EBF3: variants seen among roughly 807,000 people sequenced by gnomAD.
EBF3 encodes the protein transcription factor COE3.
Under a neutral mutation model 77.1 loss-of-function variants are expected in EBF3, and 18 were observed. The observed-to-expected ratio is 0.23, with a 90% CI of 0.16 to 0.35. The LOEUF (loss-of-function observed/expected upper bound fraction) is 0.35. Ranked by LOEUF, EBF3 falls within the 10% of genes least tolerant of loss-of-function variation. The probability of loss-of-function intolerance (pLI) is 1.00; values close to 1 mark genes in which losing one functional copy is unlikely to be tolerated. For missense variants in EBF3, 558 were observed against 860.0 expected (o/e 0.65, Z 4.39); for synonymous variants, 350 against 343.5 (o/e 1.02, Z -0.21).
chr10:129,924,986 G>A (rs1047816531), intron 6 of EBF3, among the ~76,000 whole-genome samples: 1 of 152,292 alleles, frequency 6.6e-6, no homozygotes, highest in Non-Finnish European at 1.5e-5. Flanking sequence ...GCACGTCCGT[G>A]TTCACAGCAG....
rs1479140623 is a variant in EBF3 at position 129,935,693 on chromosome 10, G to A, written c.554+21565C>T. On this transcript the variant is annotated intron_variant, in intron 6 of 16. Coordinates refer to ENST00000440978, the MANE Select transcript of EBF3 (RefSeq NM_001375380.1). This position sits in a 1 kb window ranked among gnomAD's most constrained non-coding sequence, Gnocchi z 4.2. ...AGCTCTCAGCCACCATTCCTCCTAC[G>A]TCAGCACTGGGGAGTCCAGAGGCCA... Among the ~76,000 whole-genome samples the A allele has an allele frequency of 1.3e-5, 2 of 152,172 alleles. No homozygotes were observed. Among genetic ancestry groups the A allele is most frequent in the Admixed American group, 1.3e-4 (2 of 15,280 alleles).
chr10:129,921,664 G>A (rs972203227), intron 6 of EBF3, among the ~76,000 whole-genome samples: 6 of 152,218 alleles, frequency 3.9e-5, no homozygotes, highest in African/African-American at 7.2e-5. Flanking sequence ...GGATGTCTGC[G>A]TGAAGAACTG....
chr10:129,925,678 A>G (rs1433429806), intron 6 of EBF3, among the ~76,000 whole-genome samples: 1 of 152,074 alleles, frequency 6.6e-6, no homozygotes, highest in Non-Finnish European at 1.5e-5. Context: ...ACTGAACTAT[A>G]TACTTGAAAA....
chr10:129,930,386 A>AT (rs550186941), intron 6 of EBF3, among the ~76,000 whole-genome samples: 2 of 149,686 alleles, frequency 1.3e-5, no homozygotes, highest in South Asian at 4.2e-4. Context: ...TCATATACCT[A>AT]TATCTATACC....
intron 6 of EBF3, among the ~76,000 whole-genome samples, chr10:129,925,211 G>A (rs1397879240): frequency 8.6e-5 from 13 of 151,802 alleles, no homozygotes; most frequent in Admixed American, 7.2e-4. Context: ...AGGCTGAGGC[G>A]GGCAGATCAC....
chr10:129,848,985 G>T lies in EBF3; in HGVS notation c.1040-505C>A, dbSNP rs1850663265. On this transcript the variant is annotated intron_variant, in intron 10 of 16. Coordinates refer to ENST00000440978, the MANE Select transcript of EBF3 (RefSeq NM_001375380.1). The surrounding 1 kb of genome is among the most constrained non-coding windows in gnomAD (Gnocchi z 4.4). ...GCAAAGCTTTAATAATCTGTGAATG[G>T]CTGCCTACAAACTGATGTAGGGCAC... is the stretch of plus-strand genomic sequence containing the variant. Among the ~76,000 whole-genome samples, 1 of 152,180 alleles carries T rather than the reference G, an allele frequency of 6.6e-6. No homozygotes were observed. Among genetic ancestry groups the T allele is most frequent in the Non-Finnish European group, 1.5e-5 (1 of 68,038 alleles).
At chr10:129,856,428 C>T (rs1851256359) in intron 10 of EBF3, among the ~76,000 whole-genome samples, 1 of 152,084 alleles carries the variant, frequency 6.6e-6, no homozygotes, top group Non-Finnish European at 1.5e-5. Context: ...ATACCTGTTA[C>T]AACAGGGATG....
rs1338629043 is a variant in EBF3, at chr10:129,836,981, TCAAGA to T, written c.*957_*961del. On this transcript the variant is annotated 3_prime_UTR_variant, in exon 17 of 17. Coordinates refer to ENST00000440978, the MANE Select transcript of EBF3 (RefSeq NM_001375380.1). ...TATTTTAAGTGGATCTGAAAAAAATTCAAGACAAGTGTATAAATATTTAGCTACAA... is the reference window on the plus strand; with the variant it reads ...TATTTTAAGTGGATCTGAAAAAAATTCAAGTGTATAAATATTTAGCTACAA... 4 of 152,616 alleles carry T rather than the reference TCAAGA, an allele frequency of 2.6e-5. No homozygotes were observed. The highest frequency in any genetic ancestry group is 5.9e-5 in the Non-Finnish European group (4 of 68,024). The allele number at this position is 152,616 out of a possible 1,614,324, so 9.5% of individuals were successfully genotyped here. A position where few individuals can be genotyped will look rare whatever the true frequency, so the allele number is the denominator to read the frequency against.
intron 6 of EBF3, among the ~76,000 whole-genome samples, chr10:129,888,445 G>A (rs763775359): frequency 6.6e-6 from 1 of 152,242 alleles, no homozygotes; most frequent in African/African-American, 2.4e-5. Flanking sequence ...TGAATTGCTA[G>A]AACAAATAAC....
At chr10:129,907,639 G>A (rs953023451) in intron 6 of EBF3, among the ~76,000 whole-genome samples, 3 of 152,090 alleles carry the variant, frequency 2.0e-5, no homozygotes. Flanking sequence ...AATTATTAAG[G>A]TTGAATAAAT....
At chr10:129,929,918 G>C (rs562946746) in intron 6 of EBF3, among the ~76,000 whole-genome samples, 1 of 152,198 alleles carries the variant, frequency 6.6e-6, no homozygotes, top group African/African-American at 2.4e-5. Flanking sequence ...GTTTCCAGAG[G>C]AGCTTGGGGT....
chr10:129,920,903 C>T (rs892451258), intron 6 of EBF3, among the ~76,000 whole-genome samples: 1 of 152,094 alleles, frequency 6.6e-6, no homozygotes, highest in African/African-American at 2.4e-5. Context: ...TCCTAGCTCT[C>T]CTGCCTGAGG....
At position 129,842,135 on chromosome 10, in the gene EBF3, C is replaced by A; in HGVS notation, c.1353G>T (p.Thr451=). 6.2e-7 allele frequency: 1 copy of A among 1,614,228 alleles called. No homozygotes were observed. The highest frequency in any genetic ancestry group is 2.2e-5 in the East Asian group (1 of 44,866). Residue 451 remains threonine, a synonymous_variant, in exon 13 of 17, where the codon ACG becomes ACT. Coordinates refer to ENST00000440978, the MANE Select transcript of EBF3 (RefSeq NM_001375380.1). The surrounding 1 kb of genome is among the most constrained non-coding windows in gnomAD (Gnocchi z 4.4). ...SSQLAVNVSE[T]SQANDQVGYS... is the part of the protein sequence containing the mutation. ...GCATACCTTGGTCGTTGGCTTGTGA[C>A]GTCTCTGACACGTTGACGGCTAGCT...
rs150491094 is a variant in EBF3 at position 129,945,693 on chromosome 10, G to A, written c.554+11565C>T. 2.0e-5 allele frequency among the ~76,000 whole-genome samples: 3 copies of A among 152,244 alleles called. No individual in the cohort carries two copies. In the East Asian group the frequency reaches 5.8e-4, roughly 29 times the overall value. The stretch of plus-strand genomic sequence containing the variant: ...GATCAATTCATCATCCGACACCATT[G>A]TACATTCTTCACAAAAAGATAATTA... On this transcript the variant is annotated intron_variant, in intron 6 of 16. Transcript: ENST00000440978.
At position 129,909,727 on chromosome 10, in the gene EBF3, G is replaced by C. The variant is rs189392651; in HGVS notation, c.555-31878C>G. Among the ~76,000 whole-genome samples, 357 of 152,280 alleles carry C rather than the reference G, an allele frequency of 2.3e-3. 3 individuals carry two copies. The highest frequency in any genetic ancestry group is 8.2e-3 in the African/African-American group (340 of 41,562). ...TCCAAGCCTGCGAACCCCCATGCTG[G>C]CCAGGGACCCTCTGTGGCACACCGT... On this transcript the variant is annotated intron_variant, in intron 6 of 16. Coordinates refer to ENST00000440978, the MANE Select transcript of EBF3 (RefSeq NM_001375380.1).
At chr10:129,877,937 G>A (rs1852910233) in intron 6 of EBF3, 88 bp from the exon 7 acceptor site, 2 of 1,043,630 alleles carry the variant, frequency 1.9e-6, no homozygotes, top group African/African-American at 3.2e-5. Flanking sequence ...GCAGGGAGGA[G>A]TGGAGACTCA....
intron 6 of EBF3, among the ~76,000 whole-genome samples, chr10:129,914,101 G>T (rs561277213): frequency 2.0e-5 from 3 of 152,216 alleles, no homozygotes; most frequent in Non-Finnish European, 4.4e-5. Flanking sequence ...GGGGTGAGGG[G>T]TTCCTCGAAG....
Position 129,901,971 on chromosome 10 carries a change from G to A in EBF3, c.555-24122C>T, listed in dbSNP as rs139052812. On this transcript the variant is annotated intron_variant, in intron 6 of 16. Coordinates refer to ENST00000440978, the MANE Select transcript of EBF3 (RefSeq NM_001375380.1). ...AACATTCCCAAATTGTCTTTACAGC[G>A]TCTACCTGTAAAACCTTTCCCCATG... Among the ~76,000 whole-genome samples the A allele has an allele frequency of 3.7e-3, 562 of 152,296 alleles. 3 individuals carry two copies. The highest frequency in any genetic ancestry group is 0.013 in the African/African-American group (536 of 41,570).
chr10:129,851,099 G>A lies in EBF3; in HGVS notation c.1040-2619C>T, dbSNP rs148125461. 1.1e-3 allele frequency among the ~76,000 whole-genome samples: 174 copies of A among 152,328 alleles called. 1 individual carries two copies. The highest frequency in any genetic ancestry group is 3.8e-3 in the African/African-American group (160 of 41,576). ...AGAGATTGCCTGACCTTTCACCTGC[G>A]CTGCATTACTTTGCTGATATTAAGA... On this transcript the variant is annotated intron_variant, in intron 10 of 16. Coordinates refer to ENST00000440978, the MANE Select transcript of EBF3 (RefSeq NM_001375380.1).
Sources: allele counts gnomAD v4.1 joint callset (sites outside exome capture counted in the v4.1 genomes callset), GRCh38; gene constraint gnomAD v4.1.1; non-coding constraint Gnocchi (gnomAD v3.1); transcripts MANE v1.5; gene names NCBI Gene and HGNC (gene_info 2026-07-23, HGNC 2026-07-21).